The following DNAH5 variants were observed in gnomAD, a reference collection of about 807,000 sequenced individuals.
DNAH5 encodes the protein dynein axonemal heavy chain 5, also known as axonemal beta dynein heavy chain 5.
A neutral mutation model predicts 518.2 loss-of-function variants in DNAH5; 372 were observed. That is an observed-to-expected ratio of 0.72 (90% CI 0.66 to 0.78). The LOEUF (loss-of-function observed/expected upper bound fraction) is 0.78, where lower values mean the gene tolerates loss of function less well. Among genes scored for constraint, DNAH5 ranks in the 30% least tolerant of loss-of-function variants. The probability of loss-of-function intolerance (pLI) is 0.00; values close to 1 mark genes in which losing one functional copy is unlikely to be tolerated. For missense variants in DNAH5, 5,523 were observed against 5,687.0 expected, an observed-to-expected ratio of 0.97 and a Z score of 0.93; for synonymous variants, 2,039 against 2,025.9, an observed-to-expected ratio of 1.01 and a Z score of -0.17.
chr5:13,802,640 G>A (rs940549824), intron 47 of DNAH5, among the ~76,000 whole-genome samples: 2 of 152,182 alleles, frequency 1.3e-5, no homozygotes, highest in Non-Finnish European at 2.9e-5. Context: ...AAGCAACATT[G>A]GAAGGGGTAT....
intron 12 of DNAH5, among the ~76,000 whole-genome samples, chr5:13,906,124 G>A (rs1352266525): frequency 6.6e-6 from 1 of 152,210 alleles, no homozygotes; most frequent in Non-Finnish European, 1.5e-5. Context: ...ATGAATAGGT[G>A]GAGCACAGGG....
rs180899872 is a variant in DNAH5, at chr5:13,922,709, C to A, written c.439-381G>T. ...CGCCACTGCACTCCAACCTGGGTGA[C>A]AGAGCAAGACCCTGTCTCAAAAAAA... is the stretch of plus-strand genomic sequence containing the variant. On this transcript the variant is annotated intron_variant, in intron 4 of 78. Transcript: ENST00000265104. 8.7e-4 allele frequency among the ~76,000 whole-genome samples: 109 copies of A among 124,916 alleles called. 1 individual carries two copies. The highest frequency in any genetic ancestry group is 3.4e-3 in the African/African-American group (104 of 30,928). The allele number at this position is 124,916 out of a possible 152,430, so 81.9% of individuals were successfully genotyped here.
At chr5:13,771,043 CTGTT>C in intron 55 of DNAH5, 63 bp from the exon 56 acceptor site, 2 of 1,347,228 alleles carry the variant, frequency 1.5e-6, no homozygotes, top group East Asian at 2.4e-5. Context: ...TAAAAGTTAA[CTGTT>C]TATTTCTAAA....
chr5:14,002,330 T>C (rs1784413495), intron 1 of DNAH5, among the ~76,000 whole-genome samples: 1 of 152,208 alleles, frequency 6.6e-6, no homozygotes, highest in South Asian at 2.1e-4. Flanking sequence ...GATCATTATG[T>C]TTGGGGAGTT....
intron 69 of DNAH5, among the ~76,000 whole-genome samples, chr5:13,728,084 C>T (rs1345275930): frequency 6.6e-6 from 1 of 152,208 alleles, no homozygotes; most frequent in Non-Finnish European, 1.5e-5. Flanking sequence ...CAAAAGAAGA[C>T]ATTTAACACA....
chr5:13,722,016 T>C (rs1036162037), intron 70 of DNAH5, among the ~76,000 whole-genome samples: 3 of 152,244 alleles, frequency 2.0e-5, no homozygotes, highest in African/African-American at 4.8e-5. Flanking sequence ...CCTCCTATTC[T>C]GGTGGTCTTC....
intron 1 of DNAH5, among the ~76,000 whole-genome samples, chr5:13,969,250 T>A (rs1781726824): frequency 6.6e-6 from 1 of 152,198 alleles, no homozygotes; most frequent in East Asian, 1.9e-4. Context: ...CAATTTTGTT[T>A]ATCTTTTCAA....
chr5:13,862,500 G>C (rs772874775), intron 29 of DNAH5, 48 bp downstream of exon 29: 1 of 1,545,880 alleles, frequency 6.5e-7, no homozygotes, highest in Non-Finnish European at 8.9e-7. Context: ...TTAAATGTTT[G>C]CTATTACGGT....
intron 38 of DNAH5, among the ~76,000 whole-genome samples, chr5:13,827,684 G>C (rs1763071145): frequency 6.6e-6 from 1 of 151,764 alleles, no homozygotes; most frequent in Non-Finnish European, 1.5e-5. Flanking sequence ...ATGAGATCTT[G>C]AAGGGGCCAG....
At position 13,950,184 on chromosome 5, in the gene DNAH5, A is replaced by T. The variant is rs1780269465; in HGVS notation, c.13-18940T>A. On this transcript the variant is annotated intron_variant, in intron 1 of 78. Transcript: ENST00000681290. ...ATGAGGCCTATCACTTAAACACTGCAGTACTGTTATGCCTATGGTAATAGT... is the reference window on the plus strand; with the variant it reads ...ATGAGGCCTATCACTTAAACACTGCTGTACTGTTATGCCTATGGTAATAGT... 3.3e-5 allele frequency among the ~76,000 whole-genome samples: 5 copies of T among 152,322 alleles called. No individual in the cohort carries two copies. The South Asian group carries it at 1.0e-3, about 32-fold the overall frequency.
intron 76 of DNAH5, among the ~76,000 whole-genome samples, chr5:13,702,905 C>G (rs1315796052): frequency 1.3e-5 from 2 of 152,070 alleles, no homozygotes; most frequent in Non-Finnish European, 2.9e-5. Context: ...AAGTAACCTA[C>G]AGAGGCCAAC....
At chr5:13,863,728 A>G (rs1049791293) in intron 28 of DNAH5, among the ~76,000 whole-genome samples, 1 of 152,078 alleles carries the variant, frequency 6.6e-6, no homozygotes, top group Admixed American at 6.5e-5. Context: ...TTATTTCTCC[A>G]AAGATCACTA....
rs1251693957 is a variant in DNAH5, at chr5:13,978,473, T to C, written c.12+33175A>G. 6.6e-5 allele frequency among the ~76,000 whole-genome samples: 10 copies of C among 152,326 alleles called. No homozygotes were observed. In the South Asian group the frequency reaches 8.3e-4, roughly 13 times the overall value. ...CTCAGGCTGCAACATCTGCTCTCCG[T>C]AGTCTCCAGGCTCTGTGTGTCTATG... On this transcript the variant is annotated intron_variant, in intron 1 of 78. Transcript: ENST00000681290.
intron 8 of DNAH5, 145 bp downstream of exon 8, chr5:13,916,998 C>CTA (rs1280872834): frequency 7.2e-6 from 5 of 691,748 alleles, no homozygotes; most frequent in Middle Eastern, 3.8e-4. Flanking sequence ...GTGTATATAC[C>CTA]TATATATATG....
At chr5:13,870,216 G>A (rs945762827) in intron 24 of DNAH5, among the ~76,000 whole-genome samples, 6 of 152,052 alleles carry the variant, frequency 3.9e-5, no homozygotes, top group Admixed American at 2.0e-4. Context: ...CACTGTTAAC[G>A]CCCCATCCAG....
In DNAH5 at chr5:13,876,747, A is replaced by G; in HGVS notation, c.3333T>C (p.Ser1111=). ...VQTKNYYKNV[S]ENKEIVKLVS... ...CTAATTTTACAATCTCTTTGTTTTC[A>G]GAAACATTCTTATAATAGTTCTTGG... is the stretch of plus-strand genomic sequence containing the variant. Residue 1111 remains serine (S), a synonymous_variant, in exon 22 of 79, where the codon TCT becomes TCC. Transcript: ENST00000265104. 6.2e-7 allele frequency: 1 copy of G among 1,613,936 alleles called. No individual in the cohort carries two copies. Among genetic ancestry groups the G allele is most frequent in the Non-Finnish European group, 8.5e-7 (1 of 1,179,838 alleles).
At chr5:13,818,349 A>G (rs1761735102) in intron 41 of DNAH5, among the ~76,000 whole-genome samples, 1 of 152,242 alleles carries the variant, frequency 6.6e-6, no homozygotes, top group African/African-American at 2.4e-5. Flanking sequence ...CTGTAATCCC[A>G]GCACTTTGGG....
At position 13,737,462 on chromosome 5, in the gene DNAH5, C is replaced by A. The variant is rs1422224167; in HGVS notation, c.11245G>T (p.Asp3749Tyr). Residue 3749 changes from aspartate to tyrosine, a missense_variant, in exon 66 of 79, where the codon GAT becomes TAT. By Grantham distance (160) the Asp-to-Tyr change is radical. Transcript: ENST00000265104. Reference protein sequence around the residue: ...LEKERTHLMEDVTANKRRMKE... With the variant: ...LEKERTHLMEYVTANKRRMKE... ...ATCCTTCTTTTGTTTGCAGTTACAT[C>A]TTCCATCAGATGAGTTCTTTCTTTC... 5 of 1,613,924 alleles carry A rather than the reference C, an allele frequency of 3.1e-6. No individual in the cohort carries two copies. The highest frequency in any genetic ancestry group is 1.6e-4 in the Middle Eastern group (1 of 6,084).
Position 13,752,179 on chromosome 5 carries a change from A to G in DNAH5, c.10983T>C (p.Asp3661=), listed in dbSNP as rs886059971. The part of the protein sequence containing the change: ...DVGEELDPAL[D]NVLERNFIKT... ...TAATGAAGTTTCTTTCCAAAACATT[A>G]TCTAGTGCTGGATCTAGTTCCTCTC... The change falls in exon 64 of 79, where the codon GAT becomes GAC. Residue 3661 remains aspartate (D), a synonymous_variant. Transcript: ENST00000265104. The G allele has an allele frequency of 1.9e-6, 3 of 1,614,024 alleles. No homozygotes were observed. Among genetic ancestry groups the G allele is most frequent in the Middle Eastern group, 1.7e-4 (1 of 6,060 alleles).
Sources: allele counts gnomAD v4.1 joint callset (sites outside exome capture counted in the v4.1 genomes callset), GRCh38; gene constraint gnomAD v4.1.1; transcripts MANE v1.5; gene names NCBI Gene and HGNC (gene_info 2026-07-23, HGNC 2026-07-21).